DOCK7: variants seen among roughly 807,000 people sequenced by gnomAD.
DOCK7 encodes dedicator of cytokinesis protein 7.
DOCK7 carries 138 observed loss-of-function variants against 271.0 expected under a neutral mutation model. The ratio of observed to expected loss-of-function variants is 0.51; its 90% CI spans 0.44 to 0.59. DOCK7 has a LOEUF of 0.59. DOCK7 is among the 20% of genes least tolerant of loss of function. The pLI is 0.00. For missense variants in DOCK7, 2,066 were observed against 2,592.4 expected, an observed-to-expected ratio of 0.80 and a Z score of 4.41; for synonymous variants, 823 against 876.1, an observed-to-expected ratio of 0.94 and a Z score of 1.07.
chr1:62,625,406 A>T lies in DOCK7; in HGVS notation c.1283-5T>A. 1 of 1,573,958 alleles carries T rather than the reference A, an allele frequency of 6.4e-7. No individual in the cohort carries two copies. On this transcript the variant is annotated splice_polypyrimidine_tract_variant and splice_region_variant and intron_variant, in intron 11 of 49. Transcript: ENST00000635253. ...CTGACCAAGACCCTTTTCGTTCTAC[A>T]AAAGAATTAAAAAAAAAATTCATTT...
chr1:62,559,839 G>C (rs1387777764), intron 19 of DOCK7, among the ~76,000 whole-genome samples: 1 of 152,162 alleles, frequency 6.6e-6, no homozygotes, highest in East Asian at 1.9e-4. Context: ...CCCATTGACA[G>C]AGATGGCTCA....
At chr1:62,584,328 C>T in intron 15 of DOCK7, 3 of 984,306 alleles carry the variant, frequency 3.0e-6, no homozygotes, top group Non-Finnish European at 3.6e-6. Context: ...GTTCCTGTGC[C>T]AGAATTATGA....
chr1:62,647,861 A>C, intron 6 of DOCK7, 85 bp from the exon 7 acceptor site: 1 of 1,048,544 alleles, frequency 9.5e-7, no homozygotes, highest in Non-Finnish European at 1.4e-6. Flanking sequence ...TTACTAATCT[A>C]ACACTTTTAG....
intron 14 of DOCK7, chr1:62,602,192 A>G: frequency 9.7e-7 from 1 of 1,028,206 alleles, no homozygotes; most frequent in South Asian, 1.3e-5. Flanking sequence ...ACCTTACAAA[A>G]CCACCAATTA....
At chr1:62,500,950 C>G (rs556195212) in intron 37 of DOCK7, among the ~76,000 whole-genome samples, 3 of 152,144 alleles carry the variant, frequency 2.0e-5, no homozygotes, top group African/African-American at 7.2e-5. Context: ...GGTGGGAGAA[C>G]AGCTTGAGCC....
chr1:62,631,115 G>A (rs932916793), intron 11 of DOCK7, 125 bp downstream of exon 11: 11 of 732,036 alleles, frequency 1.5e-5, no homozygotes, highest in Non-Finnish European at 2.1e-5. Context: ...AACCCCGGTG[G>A]CAAAGGTTGC....
chr1:62,614,762 C>T (rs1357974543), intron 14 of DOCK7, among the ~76,000 whole-genome samples: 1 of 151,818 alleles, frequency 6.6e-6, no homozygotes, highest in East Asian at 1.9e-4. Flanking sequence ...AAAATCATTC[C>T]TCAATTTTAA....
chr1:62,651,978 C>T (rs1657437363), intron 4 of DOCK7, among the ~76,000 whole-genome samples: 1 of 152,118 alleles, frequency 6.6e-6, no homozygotes, highest in Non-Finnish European at 1.5e-5. Context: ...CAAAGTCTGC[C>T]AGTACCTAGT....
chr1:62,578,268 T>C (rs745600361), intron 17 of DOCK7, among the ~76,000 whole-genome samples: 1 of 152,210 alleles, frequency 6.6e-6, no homozygotes, highest in Non-Finnish European at 1.5e-5. Flanking sequence ...GGTATACACC[T>C]AATAATCAGG....
At chr1:62,657,960 A>AGT (rs1658221175) in intron 2 of DOCK7, among the ~76,000 whole-genome samples, 1 of 152,130 alleles carries the variant, frequency 6.6e-6, no homozygotes, top group Admixed American at 6.5e-5. Context: ...GCATCACCAG[A>AGT]GTCCTAGAAA....
At chr1:62,569,847 G>A (rs1646711112) in intron 18 of DOCK7, among the ~76,000 whole-genome samples, 1 of 151,876 alleles carries the variant, frequency 6.6e-6, no homozygotes, top group Admixed American at 6.6e-5. Context: ...TCTAGTAGCT[G>A]GGATTACAGG....
intron 38 of DOCK7, 31 bp from the exon 39 acceptor site, chr1:62,495,712 T>C (rs1474973830): frequency 2.0e-6 from 3 of 1,515,764 alleles, no homozygotes; most frequent in African/African-American, 1.4e-5. Context: ...AAAAACATTC[T>C]TGAATTGTCA....
chr1:62,467,574 G>A (rs1434956510), intron 48 of DOCK7, among the ~76,000 whole-genome samples: 3 of 152,146 alleles, frequency 2.0e-5, no homozygotes, highest in Non-Finnish European at 4.4e-5. Flanking sequence ...AAGAATGACT[G>A]TACCATATGG....
chr1:62,565,576 T>C (rs1646484923), intron 18 of DOCK7, among the ~76,000 whole-genome samples: 1 of 152,100 alleles, frequency 6.6e-6, no homozygotes, highest in South Asian at 2.1e-4. Context: ...TAATAAGAGC[T>C]ATTTAAGACA....
At chr1:62,529,516 C>T (rs1328436825) in intron 29 of DOCK7, 70 bp from the exon 30 acceptor site, 1 of 1,246,552 alleles carries the variant, frequency 8.0e-7, no homozygotes, top group Non-Finnish European at 1.1e-6. Flanking sequence ...ATCTTTAAAA[C>T]AAACAGTAAG....
intron 35 of DOCK7, among the ~76,000 whole-genome samples, chr1:62,506,702 C>T (rs1008138328): frequency 3.3e-5 from 5 of 151,774 alleles, no homozygotes; most frequent in African/African-American, 4.8e-5. Context: ...AATCCCCACA[C>T]TTTGGGAGGC....
At chr1:62,644,186 T>C (rs1239711197) in intron 7 of DOCK7, among the ~76,000 whole-genome samples, 2 of 152,182 alleles carry the variant, frequency 1.3e-5, no homozygotes, top group African/African-American at 2.4e-5. Flanking sequence ...TGTATGCTTC[T>C]GCCAGGTACC....
chr1:62,584,886 G>A (rs1335476721), intron 15 of DOCK7: 1 of 714,390 alleles, frequency 1.4e-6, no homozygotes, highest in Non-Finnish European at 2.6e-6. Flanking sequence ...GCTCTGTAGA[G>A]GAGGCCACAT....
chr1:62,612,130 A>G (rs902127618), intron 14 of DOCK7, among the ~76,000 whole-genome samples: 2 of 152,124 alleles, frequency 1.3e-5, no homozygotes, highest in Non-Finnish European at 2.9e-5. Context: ...TATTCCAGAC[A>G]GGGCATCAGA....
Sources: allele counts gnomAD v4.1 joint callset (sites outside exome capture counted in the v4.1 genomes callset), GRCh38; gene constraint gnomAD v4.1.1; transcripts MANE v1.5; gene names NCBI Gene and HGNC (gene_info 2026-07-23, HGNC 2026-07-21).